Variants in THSD7B observed in about 807,000 individuals in gnomAD.
THSD7B encodes thrombospondin type 1 domain containing 7B.
A neutral mutation model predicts 213.6 loss-of-function variants in THSD7B; 138 were observed. The observed-to-expected ratio is 0.65, with a 90% CI of 0.56 to 0.74. The LOEUF is 0.74. Among genes scored for constraint, THSD7B ranks in the 30% least tolerant of loss-of-function variants. THSD7B has a pLI of 0.00. For synonymous variants in THSD7B, 742 were observed against 687.0 expected (o/e 1.08, Z -1.25); for missense variants, 1,931 against 1,991.5 (o/e 0.97, Z 0.58).
chr2:137,218,534 C>T (rs9677826), intron 7 of THSD7B, among the ~76,000 whole-genome samples: 90,708 of 151,822 alleles, frequency 0.6, 27,496 homozygotes, highest in South Asian at 0.71. Context: ...AGACAAAGTA[C>T]GGTTTGTTCT....
intron 15 of THSD7B, among the ~76,000 whole-genome samples, chr2:137,557,502 T>C (rs987837362): frequency 2.0e-5 from 3 of 152,080 alleles, no homozygotes; most frequent in Non-Finnish European, 4.4e-5. Context: ...AATAAAGATG[T>C]TCTTTGAAAC....
chr2:136,978,449 C>T (rs80249007), intron 2 of THSD7B, among the ~76,000 whole-genome samples: 1 of 152,292 alleles, frequency 6.6e-6, no homozygotes, highest in South Asian at 2.1e-4. Context: ...TCTCCAATAA[C>T]TTGTTTTATG....
At chr2:137,365,375 G>A (rs1222059063) in intron 12 of THSD7B, among the ~76,000 whole-genome samples, 1 of 152,156 alleles carries the variant, frequency 6.6e-6, no homozygotes, top group Non-Finnish European at 1.5e-5. Flanking sequence ...GGCAACAAAA[G>A]CCAAAATTGA....
intron 14 of THSD7B, among the ~76,000 whole-genome samples, chr2:137,446,087 T>C (rs1343606861): frequency 6.6e-6 from 1 of 151,962 alleles, no homozygotes; most frequent in African/African-American, 2.4e-5. Context: ...TGTCAGTAGA[T>C]AGAACATAAG....
At chr2:137,546,405 T>TATATATATAATATATATATA (rs1680719897) in intron 15 of THSD7B, among the ~76,000 whole-genome samples, 1 of 26,838 alleles carries the variant, frequency 3.7e-5, no homozygotes, top group Non-Finnish European at 5.5e-5. Context: ...TTATATATAT[T>TATATATATAATATATATATA]ATATATATAT....
chr2:137,272,042 A>C (rs1682751285), intron 10 of THSD7B, among the ~76,000 whole-genome samples: 1 of 152,104 alleles, frequency 6.6e-6, no homozygotes, highest in Non-Finnish European at 1.5e-5. Flanking sequence ...TGAGGTTTTG[A>C]GGAATAAGAA....
chr2:137,363,633 T>C (rs1043328148), intron 12 of THSD7B, among the ~76,000 whole-genome samples: 4 of 151,852 alleles, frequency 2.6e-5, no homozygotes, highest in Non-Finnish European at 5.9e-5. Flanking sequence ...AACTAGAAAA[T>C]CTAGAAGAAA....
intron 1 of THSD7B, among the ~76,000 whole-genome samples, chr2:136,872,828 A>G (rs1238322234): frequency 7.5e-5 from 11 of 147,472 alleles, no homozygotes; most frequent in South Asian, 2.1e-4. Context: ...AAAAAAAAAA[A>G]AAAAAAAAAA....
At chr2:136,779,863 A>G (rs1430382218) in intron 1 of THSD7B, among the ~76,000 whole-genome samples, 3 of 152,220 alleles carry the variant, frequency 2.0e-5, no homozygotes, top group African/African-American at 4.8e-5. Flanking sequence ...GGTTAGTCCT[A>G]TGGAGGAGTT....
At chr2:137,223,087 T>A (rs1218754312) in intron 7 of THSD7B, among the ~76,000 whole-genome samples, 1 of 152,134 alleles carries the variant, frequency 6.6e-6, no homozygotes, top group Non-Finnish European at 1.5e-5. Flanking sequence ...AAACCAGGTC[T>A]TCCCAGGCCT....
intron 12 of THSD7B, among the ~76,000 whole-genome samples, chr2:137,341,254 A>G (rs1684755411): frequency 6.6e-6 from 1 of 151,516 alleles, no homozygotes; most frequent in Non-Finnish European, 1.5e-5. Context: ...TCTTTTGAAA[A>G]ATGTCTATTC....
intron 2 of THSD7B, among the ~76,000 whole-genome samples, chr2:137,003,631 T>G (rs1686044285): frequency 6.6e-6 from 1 of 152,156 alleles, no homozygotes; most frequent in African/African-American, 2.4e-5. Context: ...TGACTTCCAT[T>G]TGGGTCTCTT....
At chr2:137,602,142 A>ATAT (rs1303308207) in intron 17 of THSD7B, among the ~76,000 whole-genome samples, 1 of 152,196 alleles carries the variant, frequency 6.6e-6, no homozygotes, top group East Asian at 1.9e-4. Flanking sequence ...TTCTGAGGCT[A>ATAT]TATTAATTGA....
At chr2:137,623,394 A>G (rs1480415709) in intron 20 of THSD7B, among the ~76,000 whole-genome samples, 1 of 152,196 alleles carries the variant, frequency 6.6e-6, no homozygotes, top group Non-Finnish European at 1.5e-5. Context: ...CAAAAACTGG[A>G]AGCATTCCCT....
chr2:137,354,335 G>T (rs145154131), intron 12 of THSD7B, among the ~76,000 whole-genome samples: 109 of 151,898 alleles, frequency 7.2e-4, no homozygotes, highest in African/African-American at 2.3e-3. Flanking sequence ...TGTGTAATGC[G>T]CAATGTTTTA....
chr2:136,901,377 G>A (rs999257225), intron 2 of THSD7B, among the ~76,000 whole-genome samples: 9 of 152,174 alleles, frequency 5.9e-5, no homozygotes, highest in African/African-American at 9.7e-5. Flanking sequence ...TTATATTGAC[G>A]TAAAACTTTT....
intron 3 of THSD7B, among the ~76,000 whole-genome samples, chr2:137,066,236 G>C (rs1361665602): frequency 7.1e-6 from 1 of 140,320 alleles, no homozygotes; most frequent in African/African-American, 2.7e-5. Context: ...CTGTCTCCCA[G>C]TCTGGAGTGC....
chr2:137,567,469 G>C (rs1180832936), intron 16 of THSD7B, among the ~76,000 whole-genome samples: 1 of 152,128 alleles, frequency 6.6e-6, no homozygotes, highest in Non-Finnish European at 1.5e-5. Flanking sequence ...GTGGTATAGG[G>C]AAGGTATTTT....
rs75914063 is a variant in THSD7B, at chr2:137,029,392, G to A, written c.140-27028G>A. Among the ~76,000 whole-genome samples, 1,849 of 152,008 alleles carry A rather than the reference G, an allele frequency of 0.012. 116 individuals carry two copies. In the East Asian group the frequency reaches 0.19, roughly 16 times the overall value. On this transcript the variant is annotated intron_variant, in intron 2 of 27. Coordinates refer to ENST00000409968, the MANE Select transcript of THSD7B (RefSeq NM_001316349.2). ...AAGCCTGTAAGCATTGTTCTAATGG[G>A]TAAAAAATATCCCATTTTAGACATA...
Sources: gnomAD v4.1 joint callset for allele counts (sites outside exome capture counted in the v4.1 genomes callset) on GRCh38, gnomAD v4.1.1 for gene constraint, MANE v1.5 for transcripts, NCBI Gene and HGNC (gene_info 2026-07-23, HGNC 2026-07-21) for gene names.